Variants in CAV1 observed in about 807,000 individuals in gnomAD.
The protein encoded by CAV1 is caveolin 1.
In CAV1, 10 loss-of-function variants were observed where a neutral mutation model predicts 16.5. The observed-to-expected ratio is 0.61, with a 90% CI of 0.37 to 1.03. CAV1 has a LOEUF of 1.03. Among genes scored for constraint, CAV1 ranks in the 50% least tolerant of loss-of-function variants. CAV1 has a pLI of 0.01. For missense variants in CAV1, 212 were observed against 232.8 expected, an observed-to-expected ratio of 0.91 and a Z score of 0.58; for synonymous variants, 76 against 85.1, an observed-to-expected ratio of 0.89 and a Z score of 0.59.
At chr7:116,526,898 C>T (rs1793576517) in intron 2 of CAV1, 2 of 614,454 alleles carry the variant, frequency 3.3e-6, no homozygotes, top group Non-Finnish European at 2.9e-6. Flanking sequence ...CATCTCCCCC[C>T]AATAGTTAGT....
intron 1 of CAV1, chr7:116,525,709 C>G (rs996171153): frequency 1.9e-6 from 2 of 1,070,296 alleles, no homozygotes; most frequent in African/African-American, 3.3e-5. Flanking sequence ...GAGCTCTGCC[C>G]GGGTGTGGAA....
At chr7:116,534,383 A>ATT (rs1562829961) in intron 2 of CAV1, among the ~76,000 whole-genome samples, 2 of 9,698 alleles carry the variant, frequency 2.1e-4, no homozygotes, top group East Asian at 0.02. Context: ...ATATATATAT[A>ATT]TATATATATA....
intron 1 of CAV1, 118 bp from the exon 2 acceptor site, chr7:116,526,407 T>C (rs1191045846): frequency 6.4e-7 from 1 of 1,558,472 alleles, no homozygotes; most frequent in Non-Finnish European, 8.6e-7. Context: ...GATTTCGAGC[T>C]CGAGGTTTCC....
rs1794346734 is a variant in CAV1, at chr7:116,558,959, A to G, written c.209A>G (p.Asp70Gly). The change falls in exon 3 of 3, where the codon GAT becomes GGT. Residue 70 changes from aspartate to glycine, a missense_variant. Transcript: ENST00000341049. ...NDDVVKIDFE[D>G]VIAEPEGTHS... is the part of the protein sequence containing the mutation. ...TCTTCCTTTTAGATTGACTTTGAAG[A>G]TGTGATTGCAGAACCAGAAGGGACA... The G allele has an allele frequency of 6.2e-7, 1 of 1,612,890 alleles. No individual in the cohort carries two copies. The highest frequency in any genetic ancestry group is 8.5e-7 in the Non-Finnish European group (1 of 1,179,304).
intron 2 of CAV1, among the ~76,000 whole-genome samples, chr7:116,546,697 CAAAA>C (rs5886830): frequency 6.8e-5 from 6 of 88,388 alleles, no homozygotes; most frequent in African/African-American, 1.3e-4. Flanking sequence ...GACTCTGTCA[CAAAA>C]AAAAAAAAAA....
chr7:116,535,565 C>A (rs1169731617), intron 2 of CAV1, among the ~76,000 whole-genome samples: 1 of 152,176 alleles, frequency 6.6e-6, no homozygotes, highest in East Asian at 1.9e-4. Flanking sequence ...CATGCTTGCA[C>A]ATAAACCATT....
At chr7:116,534,115 G>A (rs1163366662) in intron 2 of CAV1, among the ~76,000 whole-genome samples, 2 of 151,734 alleles carry the variant, frequency 1.3e-5, no homozygotes, top group African/African-American at 4.8e-5. Flanking sequence ...CTACTTTGGT[G>A]GCTGAGGCAC....
At chr7:116,526,804 G>GCACACA (rs138907327) in intron 2 of CAV1, 115 bp downstream of exon 2, 3 of 1,011,946 alleles carry the variant, frequency 3.0e-6, no homozygotes, top group African/African-American at 1.6e-5. Context: ...CCCTACACGC[G>GCACACA]CACACACACA....
intron 2 of CAV1, among the ~76,000 whole-genome samples, chr7:116,557,266 T>C (rs374664621): frequency 7.2e-5 from 11 of 152,214 alleles, no homozygotes; most frequent in Admixed American, 4.6e-4. Context: ...AAATAAACTT[T>C]AAAAATTGGT....
intron 2 of CAV1, among the ~76,000 whole-genome samples, chr7:116,550,294 G>C (rs530792647): frequency 6.6e-6 from 1 of 152,226 alleles, no homozygotes; most frequent in East Asian, 1.9e-4. Flanking sequence ...CGCCAGGGGA[G>C]GTTACTTAGT....
intron 2 of CAV1, among the ~76,000 whole-genome samples, chr7:116,534,376 TATATATA>T (rs1206604855): frequency 7.4e-4 from 11 of 14,774 alleles, no homozygotes; most frequent in East Asian, 8.8e-3. Flanking sequence ...TATATATATA[TATATATA>T]TATATATATA....
intron 2 of CAV1, among the ~76,000 whole-genome samples, chr7:116,551,071 A>C (rs1473893086): frequency 6.6e-6 from 1 of 152,196 alleles, no homozygotes; most frequent in African/African-American, 2.4e-5. Context: ...ATCCAAGGGA[A>C]CATGGCACAC....
Position 116,531,847 on chromosome 7 carries a change from G to A in CAV1, c.195+5158G>A, listed in dbSNP as rs552860467. On this transcript the variant is annotated intron_variant, in intron 2 of 2. Coordinates refer to ENST00000341049, the MANE Select transcript of CAV1 (RefSeq NM_001753.5). ...TATTCTACCATGTATGAAGTCATGC[G>A]TGGAATTCAGAATCCCCAGCTTGTA... 8.7e-4 allele frequency among the ~76,000 whole-genome samples: 133 copies of A among 152,284 alleles called. 1 individual carries two copies. The highest frequency in any genetic ancestry group is 2.7e-3 in the African/African-American group (114 of 41,560).
At position 116,526,522 on chromosome 7, in the gene CAV1, C is replaced by A. The variant is rs778775814; in HGVS notation, c.31-3C>A. 1.9e-6 allele frequency: 3 copies of A among 1,613,942 alleles called. No homozygotes were observed. Among genetic ancestry groups the A allele is most frequent in the Non-Finnish European group, 2.5e-6 (3 of 1,180,014 alleles). On this transcript the variant is annotated splice_polypyrimidine_tract_variant and splice_region_variant and intron_variant, in intron 1 of 2. Transcript: ENST00000341049. ...CTGGCCGTCCGCCCTCCGCCCTCTG[C>A]AGGGACATCTCTACACCGTTCCCAT...
chr7:116,550,818 A>G (rs1017867118), intron 2 of CAV1, among the ~76,000 whole-genome samples: 4 of 152,228 alleles, frequency 2.6e-5, no homozygotes, highest in Admixed American at 1.3e-4. Context: ...CAATAAATCA[A>G]CATTTCTATT....
intron 2 of CAV1, among the ~76,000 whole-genome samples, chr7:116,535,199 G>T (rs1793783245): frequency 6.6e-6 from 1 of 152,166 alleles, no homozygotes. Flanking sequence ...AAATGAATTG[G>T]CAATGGCCTG....
At chr7:116,532,457 C>G (rs1396219621) in intron 2 of CAV1, among the ~76,000 whole-genome samples, 1 of 152,182 alleles carries the variant, frequency 6.6e-6, no homozygotes, top group African/African-American at 2.4e-5. Flanking sequence ...CCATAATCCC[C>G]CTGGCTGTGG....
chr7:116,554,712 AC>A (rs1794227223), intron 2 of CAV1, among the ~76,000 whole-genome samples: 1 of 152,158 alleles, frequency 6.6e-6, no homozygotes, highest in Admixed American at 6.5e-5. Flanking sequence ...CCAATAATGT[AC>A]TAGTACCAGT....
intron 2 of CAV1, among the ~76,000 whole-genome samples, chr7:116,549,553 T>G (rs981938106): frequency 6.6e-6 from 1 of 152,108 alleles, no homozygotes; most frequent in Non-Finnish European, 1.5e-5. Flanking sequence ...TTTTATTTAT[T>G]TATTGTTTTT....
Sources: allele counts gnomAD v4.1 joint callset (sites outside exome capture counted in the v4.1 genomes callset), GRCh38; gene constraint gnomAD v4.1.1; transcripts MANE v1.5; gene names NCBI Gene and HGNC (gene_info 2026-07-23, HGNC 2026-07-21).